WDR26: variants seen among roughly 807,000 people sequenced by gnomAD.
WDR26 encodes WD repeat-containing protein 26.
A neutral mutation model predicts 84.1 loss-of-function variants in WDR26; 5 were observed. The ratio of observed to expected loss-of-function variants is 0.06; its 90% CI spans 0.03 to 0.13. WDR26 has a LOEUF of 0.13. Ranked by LOEUF, WDR26 falls within the 10% of genes least tolerant of loss-of-function variation. The pLI is 1.00. For synonymous variants in WDR26, 415 were observed against 389.6 expected, an observed-to-expected ratio of 1.07 and a Z score of -0.77; for missense variants, 642 against 974.9, an observed-to-expected ratio of 0.66 and a Z score of 4.55.
rs370875558 is a variant in WDR26, at chr1:224,394,016, G to A, written c.2075-3C>T. The A allele has an allele frequency of 2.6e-5, 38 of 1,456,096 alleles. No individual in the cohort carries two copies. Among genetic ancestry groups the A allele is most frequent in the Non-Finnish European group, 3.3e-5 (36 of 1,086,010 alleles). 90.2% of individuals were successfully genotyped at this position (1,456,096 alleles called of 1,614,324 possible). A position where few individuals can be genotyped will look rare whatever the true frequency, so the allele number is the denominator to read the frequency against. On this transcript the variant is annotated splice_region_variant and splice_polypyrimidine_tract_variant and intron_variant, in intron 12 of 13. Coordinates refer to ENST00000414423, the MANE Select transcript of WDR26 (RefSeq NM_001379403.1). The stretch of plus-strand genomic sequence containing the variant: ...GTGCCAGATGTAAACCTTGTGATCT[G>A]AACATATAGTAATTCAGAAAAAAGT...
chr1:224,417,316 C>G (rs560808417), intron 6 of WDR26, among the ~76,000 whole-genome samples: 1 of 152,318 alleles, frequency 6.6e-6, no homozygotes, highest in African/African-American at 2.4e-5. Flanking sequence ...CAGCTATTCT[C>G]TATTCTCCTT....
chr1:224,417,947 A>G (rs1673954660), intron 6 of WDR26, among the ~76,000 whole-genome samples: 1 of 152,206 alleles, frequency 6.6e-6, no homozygotes, highest in South Asian at 2.1e-4. Context: ...ATTAAGAAAA[A>G]AGTATTACCA....
chr1:224,403,677 CT>C (rs1187925016), intron 8 of WDR26, among the ~76,000 whole-genome samples: 1 of 152,228 alleles, frequency 6.6e-6, no homozygotes, highest in Non-Finnish European at 1.5e-5. Flanking sequence ...TGGCTCACGC[CT>C]GTAGTCCTAA....
intron 6 of WDR26, 69 bp downstream of exon 6, chr1:224,418,189 ACT>A (rs1279645443): frequency 1.4e-5 from 19 of 1,333,930 alleles, no homozygotes; most frequent in African/African-American, 5.9e-5. Context: ...ACAGGATAAG[ACT>A]CTAAAAAAGA....
intron 6 of WDR26, among the ~76,000 whole-genome samples, chr1:224,416,940 A>C (rs1398947071): frequency 6.6e-6 from 1 of 152,214 alleles, no homozygotes; most frequent in Non-Finnish European, 1.5e-5. Flanking sequence ...AACATTATTA[A>C]AGAGTTTAAA....
In WDR26 at chr1:224,389,642, C is replaced by T. The variant is rs768986809; in HGVS notation, c.*193G>A. 1.7e-5 allele frequency: 11 copies of T among 634,770 alleles called. No homozygotes were observed. Among genetic ancestry groups the T allele is most frequent in the South Asian group, 5.3e-5 (3 of 56,714 alleles). 39.3% of individuals were successfully genotyped at this position (634,770 alleles called of 1,614,324 possible). ...ATGGTGTCCAACAACGTTCTAACGACGTGCTTCATCTCAACTGGTTACTAT... is the reference window on the plus strand; with the variant it reads ...ATGGTGTCCAACAACGTTCTAACGATGTGCTTCATCTCAACTGGTTACTAT... On this transcript the variant is annotated 3_prime_UTR_variant, in exon 14 of 14. Transcript: ENST00000414423.
intron 4 of WDR26, among the ~76,000 whole-genome samples, chr1:224,422,521 G>C (rs1045674944): frequency 5.3e-5 from 8 of 152,168 alleles, no homozygotes; most frequent in African/African-American, 1.7e-4. Flanking sequence ...TTCGAGACCA[G>C]CCTGGCCAAT....
Position 224,411,218 on chromosome 1 carries a change from A to G in WDR26, c.1458+209T>C, listed in dbSNP as rs1394773194. Among the ~76,000 whole-genome samples, 5 of 152,198 alleles carry G rather than the reference A, an allele frequency of 3.3e-5. No homozygotes were observed. The East Asian group carries it at 9.6e-4, about 29-fold the overall frequency. ...ATTAGATAATGCATACACAGATTTA[A>G]CATTATTGTTAGCACATAAACACTC... On this transcript the variant is annotated intron_variant, in intron 7 of 13. Coordinates refer to ENST00000414423, the MANE Select transcript of WDR26 (RefSeq NM_001379403.1).
intron 3 of WDR26, chr1:224,430,501 T>C (rs1257483582): frequency 6.6e-6 from 1 of 151,990 alleles, no homozygotes; most frequent in African/African-American, 2.4e-5. Flanking sequence ...TAATAAGATT[T>C]CAAAAGAAAA....
chr1:224,422,548 T>C (rs1327893291), intron 4 of WDR26, among the ~76,000 whole-genome samples: 1 of 152,076 alleles, frequency 6.6e-6, no homozygotes, highest in Non-Finnish European at 1.5e-5. Context: ...AGACCCCATC[T>C]CTACTAAAAA....
At position 224,400,931 on chromosome 1, in the gene WDR26, G is replaced by A; in HGVS notation, c.1719+19C>T. On this transcript the variant is annotated intron_variant, in intron 9 of 13. Transcript: ENST00000414423. The stretch of plus-strand genomic sequence containing the variant: ...CTTTTAAACCAACAGATACTGGGAA[G>A]GGGGCACTGAATACTTACACACTGA... 6.2e-7 allele frequency: 1 copy of A among 1,607,632 alleles called. No homozygotes were observed. Among genetic ancestry groups the A allele is most frequent in the Non-Finnish European group, 8.5e-7 (1 of 1,177,992 alleles).
At position 224,434,144 on chromosome 1, in the gene WDR26, G is replaced by T; in HGVS notation, c.262C>A (p.His88Asn). 1 of 1,422,842 alleles carries T rather than the reference G, an allele frequency of 7.0e-7. No homozygotes were observed. Among genetic ancestry groups the T allele is most frequent in the Non-Finnish European group, 9.2e-7 (1 of 1,092,230 alleles). 88.1% of individuals were successfully genotyped at this position (1,422,842 alleles called of 1,614,324 possible). The change falls in exon 1 of 14, where the codon CAC (histidine) becomes AAC (asparagine). Residue 88 changes from histidine to asparagine, a missense_variant. Coordinates refer to ENST00000414423, the MANE Select transcript of WDR26 (RefSeq NM_001379403.1). ...ACCAGGCTGTGGCCGCTACTTCGGT[G>T]GGGGACAGCAGCGGCGGCGGGAGGG...
intron 8 of WDR26, among the ~76,000 whole-genome samples, chr1:224,403,595 C>T (rs566570037): frequency 3.3e-5 from 5 of 152,096 alleles, no homozygotes; most frequent in Admixed American, 6.5e-5. Context: ...AACCTAATGC[C>T]GACTTTTCCT....
At position 224,434,793 on chromosome 1, in the gene WDR26, C is replaced by T; in HGVS notation, c.-388G>A. The T allele has an allele frequency of 1.0e-6, 1 of 986,502 alleles. No individual in the cohort carries two copies. Among genetic ancestry groups the T allele is most frequent in the Non-Finnish European group, 1.2e-6 (1 of 830,552 alleles). The allele number at this position is 986,502 out of a possible 1,614,324, so 61.1% of individuals were successfully genotyped here. ...TGTTGATTCTTCCCCCAGCTGCTGC[C>T]TAATGGAGTCCAGGCGCTCGCGTCA... On this transcript the variant is annotated 5_prime_UTR_variant, in exon 1 of 14. Coordinates refer to ENST00000414423, the MANE Select transcript of WDR26 (RefSeq NM_001379403.1).
intron 7 of WDR26, among the ~76,000 whole-genome samples, chr1:224,407,113 C>A (rs1327556548): frequency 1.4e-5 from 1 of 72,336 alleles, no homozygotes; most frequent in Non-Finnish European, 2.4e-5. Context: ...CACAGCGAGA[C>A]TCTGTCTTTA....
chr1:224,427,103 C>CAAAAAAAAAAAAAAAAAAAAAAAAAAAAA (rs769063024), intron 3 of WDR26, among the ~76,000 whole-genome samples: 1 of 91,168 alleles, frequency 1.1e-5, no homozygotes, highest in African/African-American at 4.3e-5. Context: ...AACTCTGTCT[C>CAAAAAAAAAAAAAAAAAAAAAAAAAAAAA]CAAAAAAAAA....
chr1:224,414,199 G>A (rs762442964), intron 6 of WDR26, among the ~76,000 whole-genome samples: 3 of 150,524 alleles, frequency 2.0e-5, no homozygotes, highest in Non-Finnish European at 4.4e-5. Context: ...TCTACCTCCC[G>A]GGTTCAAGCA....
chr1:224,424,268 G>C (rs1043158653), intron 4 of WDR26, among the ~76,000 whole-genome samples: 4 of 152,070 alleles, frequency 2.6e-5, no homozygotes, highest in African/African-American at 9.7e-5. Flanking sequence ...GGTTTTCATA[G>C]AACATTCTAA....
intron 6 of WDR26, among the ~76,000 whole-genome samples, chr1:224,413,510 C>G (rs1180578377): frequency 6.6e-6 from 1 of 152,104 alleles, no homozygotes; most frequent in African/African-American, 2.4e-5. Flanking sequence ...TCAATACTAG[C>G]TGACATTTAT....
Sources: gnomAD v4.1 joint callset for allele counts (sites outside exome capture counted in the v4.1 genomes callset) on GRCh38, gnomAD v4.1.1 for gene constraint, MANE v1.5 for transcripts, NCBI Gene and HGNC (gene_info 2026-07-23, HGNC 2026-07-21) for gene names.